Variants in PAK1 observed in about 807,000 individuals in gnomAD.
The protein encoded by PAK1 is serine/threonine-protein kinase PAK 1.
In PAK1, 29 loss-of-function variants were observed where a neutral mutation model predicts 67.4. That is an observed-to-expected ratio of 0.43 (90% CI 0.32 to 0.59). PAK1 has a LOEUF of 0.59. Ranked by LOEUF, PAK1 falls within the 20% of genes least tolerant of loss-of-function variation. PAK1 has a pLI of 0.07. For synonymous variants in PAK1, 223 were observed against 237.4 expected, an observed-to-expected ratio of 0.94 and a Z score of 0.56; for missense variants, 337 against 670.7, an observed-to-expected ratio of 0.50 and a Z score of 5.50.
At chr11:77,443,008 A>G (rs1377965315) in intron 1 of PAK1, among the ~76,000 whole-genome samples, 1 of 152,190 alleles carries the variant, frequency 6.6e-6, no homozygotes, top group African/African-American at 2.4e-5. Context: ...ATAGTTTCTA[A>G]AAGTATCTAA....
At chr11:77,524,298 A>G in the PAK1 span, among the ~76,000 whole-genome samples, 1 of 152,082 alleles carries the variant, frequency 6.6e-6, no homozygotes, top group Non-Finnish European at 1.5e-5. Flanking sequence ...CCATCCCAAC[A>G]TACTTTAAAT....
At chr11:77,401,825 A>C (rs1952726911) in intron 1 of PAK1, among the ~76,000 whole-genome samples, 1 of 152,198 alleles carries the variant, frequency 6.6e-6, no homozygotes, top group African/African-American at 2.4e-5. Context: ...CTATGCAACA[A>C]TTTCCAAACT....
chr11:77,361,636 G>A (rs369038681), intron 5 of PAK1, among the ~76,000 whole-genome samples: 4 of 151,876 alleles, frequency 2.6e-5, no homozygotes, highest in Admixed American at 1.3e-4. Context: ...TTTAATCAAT[G>A]GCAATAAAAT....
intron 14 of PAK1, among the ~76,000 whole-genome samples, chr11:77,328,479 A>T (rs1401585298): frequency 6.6e-6 from 1 of 152,158 alleles, no homozygotes; most frequent in Non-Finnish European, 1.5e-5. Context: ...GGATTAAGAA[A>T]CTCACTCAAA....
chr11:77,392,218 G>A (rs1383061996), intron 2 of PAK1, 113 bp downstream of exon 2: 1 of 777,376 alleles, frequency 1.3e-6, no homozygotes, highest in Non-Finnish European at 2.0e-6. Context: ...TATTTAACCA[G>A]AAAGAAAACA....
chr11:77,421,413 C>T (rs1955254080), intron 1 of PAK1, among the ~76,000 whole-genome samples: 1 of 152,034 alleles, frequency 6.6e-6, no homozygotes, highest in Non-Finnish European at 1.5e-5. Flanking sequence ...TTTAAAAATC[C>T]CCCTCTACTC....
chr11:77,474,797 CT>C (rs1229826549), upstream of PAK1: 2 of 152,174 alleles, frequency 1.3e-5, no homozygotes, highest in Non-Finnish European at 2.9e-5. Context: ...GTGGAGGGTA[CT>C]TTCGACCCAA....
intron 1 of PAK1, among the ~76,000 whole-genome samples, chr11:77,410,629 G>T (rs1473066972): frequency 3.3e-5 from 5 of 151,460 alleles, no homozygotes; most frequent in African/African-American, 7.3e-5. Context: ...TACACAGGGG[G>T]AGAAATACAA....
intron 1 of PAK1, among the ~76,000 whole-genome samples, chr11:77,430,114 T>C (rs1003769185): frequency 1.3e-5 from 2 of 152,292 alleles, no homozygotes; most frequent in Middle Eastern, 3.4e-3. Flanking sequence ...GAACCTCATA[T>C]TTCCTTCCTG....
the PAK1 span, among the ~76,000 whole-genome samples, chr11:77,508,650 A>G: frequency 1.4e-5 from 2 of 145,070 alleles, no homozygotes; most frequent in African/African-American, 5.0e-5. Flanking sequence ...TCTCCCCTAC[A>G]TAGAGATTCT....
intron 14 of PAK1, among the ~76,000 whole-genome samples, chr11:77,328,171 A>C (rs373613172): frequency 5.3e-5 from 8 of 149,720 alleles, no homozygotes; most frequent in Middle Eastern, 3.2e-3. Flanking sequence ...CTTAGACTCC[A>C]ACACAATAAT....
At chr11:77,442,910 T>A (rs1311977838) in intron 1 of PAK1, among the ~76,000 whole-genome samples, 1 of 152,184 alleles carries the variant, frequency 6.6e-6, no homozygotes, top group Non-Finnish European at 1.5e-5. Flanking sequence ...CCTTGTGCAA[T>A]TCATTTCATC....
At chr11:77,502,493 G>A in the PAK1 span, among the ~76,000 whole-genome samples, 6 of 152,178 alleles carry the variant, frequency 3.9e-5, no homozygotes, top group Admixed American at 3.9e-4. Flanking sequence ...ATTCTCAGAA[G>A]TAGAATTCCC....
intron 2 of PAK1, among the ~76,000 whole-genome samples, chr11:77,384,927 T>A (rs1950267985): frequency 6.6e-6 from 1 of 152,214 alleles, no homozygotes; most frequent in African/African-American, 2.4e-5. Context: ...AAAAAGTGAA[T>A]GTAATTTACT....
chr11:77,461,283 C>T (rs1466345171), intron 1 of PAK1, among the ~76,000 whole-genome samples: 1 of 152,182 alleles, frequency 6.6e-6, no homozygotes, highest in African/African-American at 2.4e-5. Context: ...CTTGGCTAGG[C>T]TATAGTCCCC....
At chr11:77,526,431 C>A in the PAK1 span, among the ~76,000 whole-genome samples, 2 of 152,184 alleles carry the variant, frequency 1.3e-5, no homozygotes, top group South Asian at 2.1e-4. Context: ...CAGAAATACA[C>A]CAGGGAGCAA....
intron 2 of PAK1, among the ~76,000 whole-genome samples, chr11:77,392,001 T>A (rs1951199529): frequency 6.6e-6 from 1 of 152,266 alleles, no homozygotes; most frequent in East Asian, 1.9e-4. Context: ...GGGAAAAAAA[T>A]TCCAAATAAA....
chr11:77,516,691 T>C, the PAK1 span, among the ~76,000 whole-genome samples: 1 of 152,078 alleles, frequency 6.6e-6, no homozygotes, highest in Non-Finnish European at 1.5e-5. Flanking sequence ...CTTTCCCTAA[T>C]TTAAACTAAC....
intron 2 of PAK1, among the ~76,000 whole-genome samples, chr11:77,381,656 C>A (rs1949850334): frequency 6.6e-6 from 1 of 152,206 alleles, no homozygotes; most frequent in Non-Finnish European, 1.5e-5. Flanking sequence ...TACAATCCTA[C>A]AAGATAGATA....
Sources: gnomAD v4.1 joint callset for allele counts (sites outside exome capture counted in the v4.1 genomes callset) on GRCh38, gnomAD v4.1.1 for gene constraint, MANE v1.5 for transcripts, NCBI Gene and HGNC (gene_info 2026-07-23, HGNC 2026-07-21) for gene names.